FILIP1: variants seen among roughly 807,000 people sequenced by gnomAD.
FILIP1 encodes filamin-A-interacting protein 1.
A neutral mutation model predicts 102.1 loss-of-function variants in FILIP1; 61 were observed. The observed-to-expected ratio is 0.60, with a 90% CI of 0.49 to 0.74. The LOEUF is 0.74. Among genes scored for constraint, FILIP1 ranks in the 30% least tolerant of loss-of-function variants. The probability of loss-of-function intolerance (pLI) is 0.00; values close to 1 mark genes in which losing one functional copy is unlikely to be tolerated. For synonymous variants in FILIP1, 491 were observed against 526.9 expected (o/e 0.93, Z 0.93); for missense variants, 1,314 against 1,441.2 (o/e 0.91, Z 1.43).
intron 1 of FILIP1, among the ~76,000 whole-genome samples, chr6:75,420,156 C>T (rs1026302894): frequency 6.6e-6 from 1 of 151,730 alleles, no homozygotes; most frequent in African/African-American, 2.4e-5. Context: ...ATGAAAAGGC[C>T]AAGGAAAATA....
chr6:75,296,202 C>A (rs987479978), intron 6 of FILIP1, among the ~76,000 whole-genome samples: 4 of 151,952 alleles, frequency 2.6e-5, no homozygotes, highest in African/African-American at 9.7e-5. Flanking sequence ...CAGTTTTGAC[C>A]AAGGTAAGAA....
intron 3 of FILIP1, among the ~76,000 whole-genome samples, chr6:75,356,069 G>A (rs543072831): frequency 1.3e-5 from 2 of 152,134 alleles, no homozygotes; most frequent in African/African-American, 4.8e-5. Context: ...AAAATCCACC[G>A]CCACCCCAAT....
At chr6:75,345,433 G>A (rs888347929) in intron 4 of FILIP1, among the ~76,000 whole-genome samples, 1 of 151,720 alleles carries the variant, frequency 6.6e-6, no homozygotes, top group African/African-American at 2.4e-5. Context: ...AGCTCGCACA[G>A]GTGAATGCCA....
chr6:75,483,704 G>T (rs946357838), intron 1 of FILIP1, among the ~76,000 whole-genome samples: 1 of 152,110 alleles, frequency 6.6e-6, no homozygotes, highest in Non-Finnish European at 1.5e-5. Flanking sequence ...AGGAACTAAG[G>T]TCACCATAAC....
intron 5 of FILIP1, among the ~76,000 whole-genome samples, chr6:75,309,251 C>A (rs1362985475): frequency 6.6e-6 from 1 of 152,178 alleles, no homozygotes; most frequent in Non-Finnish European, 1.5e-5. Context: ...TAAATTAACT[C>A]TACACTCCCT....
rs558930545 is a variant in FILIP1, at chr6:75,368,995, G to A, written c.277-6078C>T. ...CTGTAGGTGATTCCAAAGCACAGCT[G>A]CACTTGGAAATCACTGCTCTAGGAC... On this transcript the variant is annotated intron_variant, in intron 2 of 5. Coordinates refer to ENST00000237172, the MANE Select transcript of FILIP1 (RefSeq NM_015687.5). 3.1e-4 allele frequency among the ~76,000 whole-genome samples: 47 copies of A among 152,300 alleles called. No homozygotes were observed. The South Asian group carries it at 9.1e-3, about 30-fold the overall frequency.
intron 2 of FILIP1, among the ~76,000 whole-genome samples, chr6:75,390,916 T>A (rs1171074704): frequency 2.0e-5 from 3 of 152,180 alleles, no homozygotes; most frequent in Admixed American, 6.6e-5. Context: ...TCTGATGTTC[T>A]GACTTCCCAG....
At position 75,314,554 on chromosome 6, in the gene FILIP1, C is replaced by T. The variant is rs1378817739; in HGVS notation, c.1278G>A (p.Glu426=). The change falls in exon 5 of 6, where the codon GAG becomes GAA. Residue 426 remains glutamate (E), a synonymous_variant. Transcript: ENST00000237172. ...GTTCAGACATTCTCTTCTGTAGCTT[C>T]TCAACTTCAAGTCTGAGCTCCTTAC... ...HHSKELRLEV[E]KLQKRMSELE... 1 of 1,614,030 alleles carries T rather than the reference C, an allele frequency of 6.2e-7. No individual in the cohort carries two copies.
intron 1 of FILIP1, among the ~76,000 whole-genome samples, chr6:75,447,752 C>T (rs1778487266): frequency 6.6e-6 from 1 of 151,818 alleles, no homozygotes; most frequent in South Asian, 2.1e-4. Context: ...TTCAGTGTGC[C>T]CTTAGCTAAA....
rs1384307742 is a variant in FILIP1, at chr6:75,312,549, C to T, written c.3283G>A (p.Val1095Ile). The T allele has an allele frequency of 1.2e-6, 2 of 1,614,230 alleles. No individual in the cohort carries two copies. The highest frequency in any genetic ancestry group is 2.2e-5 in the East Asian group (1 of 44,894). Residue 1095 changes from valine to isoleucine, a missense_variant, in exon 5 of 6, where the codon GTA becomes ATA. By Grantham distance (29) the Val-to-Ile change is conservative. This residue lies in a region of FILIP1 where 816 missense variants were observed against 913.1 expected (regional missense o/e 0.89). Transcript: ENST00000237172. Reference sequence around the variant, plus strand: ...ACCTCCTTTTCGGCTGTCACGTTTACTGGTCGGACAGTAATAACTGGACTG... The same window carrying T: ...ACCTCCTTTTCGGCTGTCACGTTTATTGGTCGGACAGTAATAACTGGACTG... ...GVSPVITVRP[V>I]NVTAEKEVST...
intron 1 of FILIP1, among the ~76,000 whole-genome samples, chr6:75,484,912 A>T (rs536971628): frequency 6.6e-6 from 1 of 152,368 alleles, no homozygotes; most frequent in African/African-American, 2.4e-5. Flanking sequence ...ATATCTTAAA[A>T]ATTAGCTAAA....
intron 4 of FILIP1, among the ~76,000 whole-genome samples, chr6:75,339,494 A>G (rs1774350298): frequency 6.6e-6 from 1 of 152,218 alleles, no homozygotes; most frequent in Admixed American, 6.5e-5. Flanking sequence ...ATGCTTTTAA[A>G]TCCTTCAGTT....
chr6:75,320,816 T>G (rs1304271622), intron 4 of FILIP1, among the ~76,000 whole-genome samples: 7 of 152,178 alleles, frequency 4.6e-5, no homozygotes, highest in Non-Finnish European at 1.0e-4. Flanking sequence ...AGAAAAGAAA[T>G]GTGTCTCTCA....
chr6:75,435,927 C>T (rs1196513873), intron 1 of FILIP1, among the ~76,000 whole-genome samples: 1 of 152,108 alleles, frequency 6.6e-6, no homozygotes, highest in Admixed American at 6.5e-5. Flanking sequence ...GAGCATAGTA[C>T]AGTAGATTCC....
chr6:75,372,646 AAAGAAAGAAAG>A (rs1775568533), intron 2 of FILIP1, among the ~76,000 whole-genome samples: 1 of 66,184 alleles, frequency 1.5e-5, no homozygotes, highest in Non-Finnish European at 2.9e-5. Flanking sequence ...AGAAAGAAAG[AAAGAAAGAAAG>A]AAAGAAAGAA....
chr6:75,402,248 G>T (rs1181717694), intron 2 of FILIP1, among the ~76,000 whole-genome samples: 1 of 152,066 alleles, frequency 6.6e-6, no homozygotes, highest in Non-Finnish European at 1.5e-5. Context: ...AGACAACAAA[G>T]CTCTTTGCCA....
At chr6:75,475,268 TC>T (rs1287218681) in intron 1 of FILIP1, among the ~76,000 whole-genome samples, 1 of 152,226 alleles carries the variant, frequency 6.6e-6, no homozygotes, top group Non-Finnish European at 1.5e-5. Context: ...GTGAAGTAGT[TC>T]CAGAGACACA....
intron 4 of FILIP1, among the ~76,000 whole-genome samples, chr6:75,325,438 C>T (rs1439543198): frequency 6.6e-6 from 1 of 151,984 alleles, no homozygotes; most frequent in Non-Finnish European, 1.5e-5. Flanking sequence ...CAAAACAAAA[C>T]AAAACAGCAG....
intron 6 of FILIP1, among the ~76,000 whole-genome samples, chr6:75,299,004 CA>C (rs1478862074): frequency 1.5e-5 from 2 of 134,990 alleles, no homozygotes; most frequent in Non-Finnish European, 3.3e-5. Flanking sequence ...TCCATGTTGC[CA>C]GCAAAAAAAA....
Sources: allele counts gnomAD v4.1 joint callset (sites outside exome capture counted in the v4.1 genomes callset), GRCh38; gene constraint gnomAD v4.1.1; regional missense constraint gnomAD v4.1.1; transcripts MANE v1.5; gene names NCBI Gene and HGNC (gene_info 2026-07-23, HGNC 2026-07-21).